HEBP2: variants seen among roughly 807,000 people sequenced by gnomAD.
HEBP2 encodes the protein heme-binding protein 2.
In HEBP2, 27 loss-of-function variants were observed where a neutral mutation model predicts 23.1. The ratio of observed to expected loss-of-function variants is 1.17; its 90% confidence interval spans 0.86 to 1.61. The LOEUF (loss-of-function observed/expected upper bound fraction) is 1.61, where lower values mean the gene tolerates loss of function less well. Among genes scored for constraint, HEBP2 ranks in the 40% most tolerant of loss-of-function variants. HEBP2 has a pLI of 0.00. For synonymous variants in HEBP2, 99 were observed against 95.1 expected, an observed-to-expected ratio of 1.04 and a Z score of -0.24; for missense variants, 245 against 253.8, an observed-to-expected ratio of 0.97 and a Z score of 0.24.
Position 138,405,206 on chromosome 6 carries a change from C to T in HEBP2, c.164C>T (p.Ser55Phe). 1.2e-6 allele frequency: 2 copies of T among 1,614,184 alleles called. No homozygotes were observed. The highest frequency in any genetic ancestry group is 1.1e-5 in the South Asian group (1 of 91,084). The change falls in exon 2 of 4, where the codon TCT becomes TTT. Residue 55 changes from serine (S) to phenylalanine (F), a missense_variant. Physicochemically the swap from Ser to Phe is radical, Grantham distance 155 (BLOSUM62 -2). Transcript: ENST00000607197. ...AAGTGGGTCAGCACGTCCGTGGAGT[C>T]TATGGACTGGGATTCAGCCATCCAG... ...PAKWVSTSVE[S>F]MDWDSAIQTG...
Position 138,413,678 on chromosome 6 carries a change from C to G in HEBP2, c.*600C>G, listed in dbSNP as rs1208078748. On this transcript the variant is annotated 3_prime_UTR_variant, in exon 4 of 4. Coordinates refer to ENST00000607197, the MANE Select transcript of HEBP2 (RefSeq NM_014320.3). ...GGTCTCCACTTAACCCCCTAAAAAT[C>G]TTGCTTTTTCCCCTAAACATTTCCC... The G allele has an allele frequency of 2.6e-5, 4 of 152,484 alleles. No homozygotes were observed. The highest frequency in any genetic ancestry group is 4.4e-5 in the Non-Finnish European group (3 of 68,306). The allele number at this position is 152,484 out of a possible 1,614,324, so 9.4% of individuals were successfully genotyped here.
rs905671003 is a variant in HEBP2, at chr6:138,416,329, G to A, written c.*3251G>A. On this transcript the variant is annotated 3_prime_UTR_variant, in exon 4 of 4. Transcript: ENST00000607197. ...AAAATGTTGAAATGCCTGAATGGCT[G>A]GGACAAACAATAGAGAAAGGAATGA... 6.6e-6 allele frequency: 1 copy of A among 152,338 alleles called. No homozygotes were observed. The highest frequency in any genetic ancestry group is 2.1e-4 in the South Asian group (1 of 4,830). The allele number at this position is 152,338 out of a possible 1,614,324, so 9.4% of individuals were successfully genotyped here.
At chr6:138,403,704 CA>C, upstream of HEBP2, 1 of 412,964 alleles carries the variant, frequency 2.4e-6, no homozygotes, top group Non-Finnish European at 4.3e-6. Context: ...CCCTGGTAAC[CA>C]AAATTCTTGA....
At chr6:138,408,715 ATTTC>A (rs1261907908) in intron 3 of HEBP2, among the ~76,000 whole-genome samples, 1 of 146,712 alleles carries the variant, frequency 6.8e-6, no homozygotes, top group East Asian at 2.0e-4. Context: ...CTCCTGTCCC[ATTTC>A]TTTACCTCCG....
rs1055114943 is a variant in HEBP2, at chr6:138,419,029, T to C, written c.*5951T>C. The C allele has an allele frequency of 2.6e-5, 4 of 152,066 alleles. No homozygotes were observed. Among genetic ancestry groups the C allele is most frequent in the African/African-American group, 7.2e-5 (3 of 41,420 alleles). The allele number at this position is 152,066 out of a possible 1,614,324, so 9.4% of individuals were successfully genotyped here. A position where few individuals can be genotyped will look rare whatever the true frequency, so the allele number is the denominator to read the frequency against. ...AACTGTATCACATGTTAATGCCCACTAGATAGCACCCACCAGAGAAGAGGC... is the reference window on the plus strand; with the variant it reads ...AACTGTATCACATGTTAATGCCCACCAGATAGCACCCACCAGAGAAGAGGC... On this transcript the variant is annotated 3_prime_UTR_variant, in exon 4 of 4. Coordinates refer to ENST00000607197, the MANE Select transcript of HEBP2 (RefSeq NM_014320.3).
chr6:138,414,882 G>A lies in HEBP2; in HGVS notation c.*1804G>A, dbSNP rs1583107099. 1.3e-5 allele frequency: 2 copies of A among 152,158 alleles called. No individual in the cohort carries two copies. The highest frequency in any genetic ancestry group is 2.9e-5 in the Non-Finnish European group (2 of 68,042). 9.4% of individuals were successfully genotyped at this position (152,158 alleles called of 1,614,324 possible). A position where few individuals can be genotyped will look rare whatever the true frequency, so the allele number is the denominator to read the frequency against. On this transcript the variant is annotated 3_prime_UTR_variant, in exon 4 of 4. Coordinates refer to ENST00000607197, the MANE Select transcript of HEBP2 (RefSeq NM_014320.3). ...AAGACGAGTCATGGCAACCTAGTGAGACTGTCTGTCCAAAAAATAAAAAAT... is the reference window on the plus strand; with the variant it reads ...AAGACGAGTCATGGCAACCTAGTGAAACTGTCTGTCCAAAAAATAAAAAAT...
chr6:138,420,030 G>A lies in HEBP2; in HGVS notation c.*6952G>A, dbSNP rs1343076481. 2 of 152,282 alleles carry A rather than the reference G, an allele frequency of 1.3e-5. No individual in the cohort carries two copies. Among genetic ancestry groups the A allele is most frequent in the African/African-American group, 4.8e-5 (2 of 41,446 alleles). The allele number at this position is 152,282 out of a possible 1,614,324, so 9.4% of individuals were successfully genotyped here. ...GCCTGCTGTCAGAGGATAGTGGCGA[G>A]AGCAATGTGTGTGGAACTTAGCGGA... On this transcript the variant is annotated 3_prime_UTR_variant, in exon 4 of 4. Transcript: ENST00000607197.
upstream of HEBP2, chr6:138,404,115 A>G (rs1158712776): frequency 4.6e-6 from 1 of 215,922 alleles, no homozygotes; most frequent in Admixed American, 5.9e-5. Context: ...AAACAGCGCC[A>G]CCCCCTACTG....
At chr6:138,412,238 A>C in intron 3 of HEBP2, 1 of 343,210 alleles carries the variant, frequency 2.9e-6, no homozygotes, top group Non-Finnish European at 5.7e-6. Flanking sequence ...CTGAATCTGC[A>C]TCGTAGCAAA....
In HEBP2 at chr6:138,404,257, C is replaced by G; in HGVS notation, c.-239C>G. 3.1e-6 allele frequency: 1 copy of G among 320,788 alleles called. No homozygotes were observed. The highest frequency in any genetic ancestry group is 1.6e-4 in the South Asian group (1 of 6,366). 19.9% of individuals were successfully genotyped at this position (320,788 alleles called of 1,614,324 possible). A position where few individuals can be genotyped will look rare whatever the true frequency, so the allele number is the denominator to read the frequency against. On this transcript the variant is annotated 5_prime_UTR_variant, in exon 1 of 4. Coordinates refer to ENST00000607197, the MANE Select transcript of HEBP2 (RefSeq NM_014320.3). ...CGCGGAGGGGCGGGGGCAGGACGCGCAACTCCGGCCGGAGCTGTCCGGGGT... is the reference window on the plus strand; with the variant it reads ...CGCGGAGGGGCGGGGGCAGGACGCGGAACTCCGGCCGGAGCTGTCCGGGGT...
At chr6:138,410,367 G>T (rs950852791) in intron 3 of HEBP2, among the ~76,000 whole-genome samples, 1 of 152,032 alleles carries the variant, frequency 6.6e-6, no homozygotes, top group Non-Finnish European at 1.5e-5. Flanking sequence ...TTCAGTATTT[G>T]ATTTTAAGGG....
upstream of HEBP2, chr6:138,404,137 A>C (rs1437441459): frequency 4.4e-6 from 1 of 226,132 alleles, no homozygotes; most frequent in Non-Finnish European, 8.5e-6. Context: ...CCGCGGGGCC[A>C]CCTGTGTGTG....
At chr6:138,403,752 C>T (rs919294381), upstream of HEBP2, 8 of 403,906 alleles carry the variant, frequency 2.0e-5, no homozygotes, top group Admixed American at 4.4e-5. Flanking sequence ...TAACTCTCCC[C>T]GAGTCTCGTT....
At position 138,420,743 on chromosome 6, in the gene HEBP2, C is replaced by T. The variant is rs903510637; in HGVS notation, c.*7665C>T. The T allele has an allele frequency of 1.3e-5, 2 of 152,272 alleles. No homozygotes were observed. The highest frequency in any genetic ancestry group is 4.8e-5 in the African/African-American group (2 of 41,444). The allele number at this position is 152,272 out of a possible 1,614,324, so 9.4% of individuals were successfully genotyped here. ...TGAGTGACCTTTTTCCCAGAGTTCCCCTGGGATGGCAGCTCGCCTGCTCTC... is the reference window on the plus strand; with the variant it reads ...TGAGTGACCTTTTTCCCAGAGTTCCTCTGGGATGGCAGCTCGCCTGCTCTC... On this transcript the variant is annotated 3_prime_UTR_variant, in exon 4 of 4. Transcript: ENST00000607197.
chr6:138,412,142 G>T, intron 3 of HEBP2: 1 of 423,728 alleles, frequency 2.4e-6, no homozygotes. Context: ...GGCTTCTACA[G>T]GGGTGTTGGT....
chr6:138,412,040 G>A (rs1251826955), intron 3 of HEBP2: 2 of 448,876 alleles, frequency 4.5e-6, no homozygotes, highest in Non-Finnish European at 8.9e-6. Flanking sequence ...GGTGAAAACT[G>A]TATCATATTC....
chr6:138,412,042 A>G, intron 3 of HEBP2: 1 of 449,346 alleles, frequency 2.2e-6, no homozygotes, highest in Non-Finnish European at 4.5e-6. Flanking sequence ...TGAAAACTGT[A>G]TCATATTCAT....
chr6:138,411,438 C>T (rs1054563511), intron 3 of HEBP2, among the ~76,000 whole-genome samples: 1 of 152,196 alleles, frequency 6.6e-6, no homozygotes, highest in Non-Finnish European at 1.5e-5. Flanking sequence ...TAGGCTAATG[C>T]ACAGGGTTCT....
At position 138,411,151 on chromosome 6, in the gene HEBP2, A is replaced by G. The variant is rs76205343; in HGVS notation, c.420-1729A>G. The stretch of plus-strand genomic sequence containing the variant: ...CTTAACCCTCAAAATCAAATTCATC[A>G]TGCTTGCATGTCAGCAGCTCAGCTA... On this transcript the variant is annotated intron_variant, in intron 3 of 3. Transcript: ENST00000607197. 1.4e-3 allele frequency among the ~76,000 whole-genome samples: 209 copies of G among 152,358 alleles called. 1 individual carries two copies. Among genetic ancestry groups the G allele is most frequent in the African/African-American group, 5.0e-3 (206 of 41,572 alleles).
Sources: gnomAD v4.1 joint callset for allele counts (sites outside exome capture counted in the v4.1 genomes callset) on GRCh38, gnomAD v4.1.1 for gene constraint, MANE v1.5 for transcripts, NCBI Gene and HGNC (gene_info 2026-07-23, HGNC 2026-07-21) for gene names.